SYT4: variants seen among roughly 807,000 people sequenced by gnomAD.
SYT4 encodes the protein synaptotagmin-4.
SYT4 carries 7 observed loss-of-function variants against 32.9 expected under a neutral mutation model. The ratio of observed to expected loss-of-function variants is 0.21; its 90% CI spans 0.12 to 0.40. SYT4 has a LOEUF of 0.40. Among genes scored for constraint, SYT4 ranks in the 10% least tolerant of loss-of-function variants. The probability of loss-of-function intolerance (pLI) is 1.00; values close to 1 mark genes in which losing one functional copy is unlikely to be tolerated. For missense variants in SYT4, 480 were observed against 488.0 expected, an observed-to-expected ratio of 0.98 and a Z score of 0.16; for synonymous variants, 205 against 186.2, an observed-to-expected ratio of 1.10 and a Z score of -0.82.
At position 43,277,376 on chromosome 18, in the gene SYT4, A is replaced by T. The variant is rs1317690306; in HGVS notation, c.-95T>A. 8 of 1,494,468 alleles carry T rather than the reference A, an allele frequency of 5.4e-6. No homozygotes were observed. The highest frequency in any genetic ancestry group is 7.5e-6 in the Non-Finnish European group (8 of 1,073,110). The allele number at this position is 1,494,468 out of a possible 1,614,324, so 92.6% of individuals were successfully genotyped here. A position where few individuals can be genotyped will look rare whatever the true frequency, so the allele number is the denominator to read the frequency against. On this transcript the variant is annotated 5_prime_UTR_variant, in exon 1 of 4. Transcript: ENST00000255224. ...CAAGCGCCGGCTTTCGGAGCGCTGA[A>T]AACAACAGCGCAGAGCCCAGGGCAC...
rs868753719 is a variant in SYT4, at chr18:43,267,954, C to G, written c.*2387G>C. The stretch of plus-strand genomic sequence containing the variant: ...ATGGTCTTACAAACATCATACAGAG[C>G]TGGCACAAAAGAACAGACACTGTCT... On this transcript the variant is annotated 3_prime_UTR_variant, in exon 4 of 4. Transcript: ENST00000255224. 1.3e-5 allele frequency: 2 copies of G among 152,192 alleles called. No individual in the cohort carries two copies. Among genetic ancestry groups the G allele is most frequent in the Non-Finnish European group, 2.9e-5 (2 of 68,044 alleles). The allele number at this position is 152,192 out of a possible 1,614,324, so 9.4% of individuals were successfully genotyped here.
intron 3 of SYT4, among the ~76,000 whole-genome samples, chr18:43,270,938 T>C (rs999132103): frequency 1.3e-5 from 2 of 152,050 alleles, no homozygotes. Context: ...GAATGTTCTA[T>C]GGACCCATTC....
At chr18:43,275,206 G>C (rs1011030276) in intron 1 of SYT4, among the ~76,000 whole-genome samples, 1 of 152,070 alleles carries the variant, frequency 6.6e-6, no homozygotes, top group African/African-American at 2.4e-5. Flanking sequence ...ATCTATAACT[G>C]TCTCTTCCTC....
intron 3 of SYT4, among the ~76,000 whole-genome samples, chr18:43,271,504 T>C (rs920599742): frequency 6.6e-5 from 10 of 152,168 alleles, no homozygotes; most frequent in Non-Finnish European, 1.2e-4. Context: ...AAACTGTAGC[T>C]TATTTTGTTT....
At position 43,277,371 on chromosome 18, in the gene SYT4, G is replaced by T; in HGVS notation, c.-90C>A. The T allele has an allele frequency of 6.5e-7, 1 of 1,538,046 alleles. No homozygotes were observed. The highest frequency in any genetic ancestry group is 9.0e-7 in the Non-Finnish European group (1 of 1,112,626). ...GATCTCAAGCGCCGGCTTTCGGAGC[G>T]CTGAAAACAACAGCGCAGAGCCCAG... is the stretch of plus-strand genomic sequence containing the variant. On this transcript the variant is annotated 5_prime_UTR_variant, in exon 1 of 4. Transcript: ENST00000255224.
At chr18:43,276,279 T>TTCTC (rs1407958274) in intron 1 of SYT4, among the ~76,000 whole-genome samples, 2 of 152,218 alleles carry the variant, frequency 1.3e-5, no homozygotes, top group African/African-American at 4.8e-5. Context: ...TCCCTATGTA[T>TTCTC]TCTCTACTGA....
chr18:43,271,613 A>G, intron 3 of SYT4, 99 bp downstream of exon 3: 1 of 1,477,082 alleles, frequency 6.8e-7, no homozygotes, highest in Non-Finnish European at 9.2e-7. Context: ...TACATAAGGT[A>G]TTAGAGAAAA....
Position 43,269,618 on chromosome 18 carries a change from G to A in SYT4, c.*723C>T, listed in dbSNP as rs1043969473. 3 of 152,558 alleles carry A rather than the reference G, an allele frequency of 2.0e-5. No individual in the cohort carries two copies. Among genetic ancestry groups the A allele is most frequent in the Admixed American group, 6.6e-5 (1 of 15,262 alleles). The allele number at this position is 152,558 out of a possible 1,614,324, so 9.5% of individuals were successfully genotyped here. On this transcript the variant is annotated 3_prime_UTR_variant, in exon 4 of 4. Coordinates refer to ENST00000255224, the MANE Select transcript of SYT4 (RefSeq NM_020783.4). ...CAGGCAGTGAATAATCCAAGGCCATGGTTCTTATGTGAGGTTATATTTTAC... is the reference window on the plus strand; with the variant it reads ...CAGGCAGTGAATAATCCAAGGCCATAGTTCTTATGTGAGGTTATATTTTAC...
rs1280880037 is a variant in SYT4, at chr18:43,270,205, A to G, written c.*136T>C. 2.2e-6 allele frequency: 2 copies of G among 896,562 alleles called. No homozygotes were observed. The highest frequency in any genetic ancestry group is 3.3e-5 in the African/African-American group (2 of 59,860). 55.5% of individuals were successfully genotyped at this position (896,562 alleles called of 1,614,324 possible). ...TTTGAAGTTACTTTCTGGTCTACTA[A>G]TTCAATCCATTTCTAGCAACAACAA... On this transcript the variant is annotated 3_prime_UTR_variant, in exon 4 of 4. Transcript: ENST00000255224.
At chr18:43,276,473 CT>C (rs57351324) in intron 1 of SYT4, among the ~76,000 whole-genome samples, 1 of 152,060 alleles carries the variant, frequency 6.6e-6, no homozygotes, top group African/African-American at 2.4e-5. Flanking sequence ...AAAAATAGTA[CT>C]TTTTTACTCT....
In SYT4 at chr18:43,269,864, A is replaced by G; in HGVS notation, c.*477T>C. 6.2e-6 allele frequency: 1 copy of G among 161,512 alleles called. No homozygotes were observed. Among genetic ancestry groups the G allele is most frequent in the Non-Finnish European group, 1.4e-5 (1 of 73,094 alleles). 10.0% of individuals were successfully genotyped at this position (161,512 alleles called of 1,614,324 possible). ...AGGACAACCATTTGCACATGACAGAATTAATAAATACAAACTGGAGGACAT... is the reference window on the plus strand; with the variant it reads ...AGGACAACCATTTGCACATGACAGAGTTAATAAATACAAACTGGAGGACAT... On this transcript the variant is annotated 3_prime_UTR_variant, in exon 4 of 4. Transcript: ENST00000255224.
chr18:43,271,642 G>T (rs1427619407), intron 3 of SYT4, 70 bp downstream of exon 3: 2 of 1,588,524 alleles, frequency 1.3e-6, no homozygotes. Flanking sequence ...AGTAAGAGTA[G>T]GTGGGCTCAT....
chr18:43,274,793 C>CT (rs1416211146), intron 1 of SYT4, among the ~76,000 whole-genome samples: 2 of 152,090 alleles, frequency 1.3e-5, no homozygotes, highest in Non-Finnish European at 2.9e-5. Context: ...CAGAGCATCA[C>CT]TTTTTACTGG....
intron 1 of SYT4, among the ~76,000 whole-genome samples, chr18:43,275,054 T>G (rs1908751646): frequency 6.6e-6 from 1 of 152,006 alleles, no homozygotes; most frequent in South Asian, 2.1e-4. Flanking sequence ...TGTATGACAA[T>G]CCCAAATTTC....
chr18:43,270,664 A>C lies in SYT4; in HGVS notation c.971-16T>G, dbSNP rs1229928586. The C allele has an allele frequency of 1.9e-6, 3 of 1,610,448 alleles. No homozygotes were observed. Among genetic ancestry groups the C allele is most frequent in the Non-Finnish European group, 2.5e-6 (3 of 1,177,410 alleles). On this transcript the variant is annotated splice_polypyrimidine_tract_variant and intron_variant, in intron 3 of 3. Coordinates refer to ENST00000255224, the MANE Select transcript of SYT4 (RefSeq NM_020783.4). ...ACATAGGGATCTGCAGTGGAACATAACAGGCATTACAATGGCATAACTGGG... is the reference window on the plus strand; with the variant it reads ...ACATAGGGATCTGCAGTGGAACATACCAGGCATTACAATGGCATAACTGGG...
In SYT4 at chr18:43,270,523, C is replaced by T; in HGVS notation, c.1096G>A (p.Gly366Ser). 7 of 1,614,034 alleles carry T rather than the reference C, an allele frequency of 4.3e-6. No homozygotes were observed. The highest frequency in any genetic ancestry group is 5.9e-6 in the Non-Finnish European group (7 of 1,179,984). ...AATTCAACACTTATATCTTCAAGGC[C>T]CTCACAAGGAATATCAAAGACAAAC... is the stretch of plus-strand genomic sequence containing the variant. ...ELFVFDIPCE[G>S]LEDISVEFLV... The change falls in exon 4 of 4, where the codon GGC (glycine) becomes AGC (serine). Residue 366 changes from glycine (G) to serine (S), a missense_variant. By Grantham distance (56) the Gly-to-Ser change is moderately conservative. Coordinates refer to ENST00000255224, the MANE Select transcript of SYT4 (RefSeq NM_020783.4).
In SYT4 at chr18:43,271,800, A is replaced by C. The variant is rs548367244; in HGVS notation, c.882T>G (p.Ser294=). The change falls in exon 3 of 4, where the codon TCT becomes TCG. Residue 294 remains serine, a synonymous_variant. Transcript: ENST00000255224. Reference sequence around the variant, plus strand: ...TGTTTGTGGTGGACTGATAGCAGAGAGAGATCAGTAACTCACCCCGTCCTG... The same window carrying C: ...TGTTTGTGGTGGACTGATAGCAGAGCGAGATCAGTAACTCACCCCGTCCTG... ...KSSGRGELLI[S]LCYQSTTNTL... 3 of 1,613,148 alleles carry C rather than the reference A, an allele frequency of 1.9e-6. No homozygotes were observed. The African/African-American group carries it at 4.0e-5, about 22-fold the overall frequency.
Position 43,277,255 on chromosome 18 carries a change from T to C in SYT4, c.27A>G (p.Glu9=), listed in dbSNP as rs1908822814. Residue 9 remains glutamate, a synonymous_variant, in exon 1 of 4, where the codon GAA becomes GAG. Coordinates refer to ENST00000255224, the MANE Select transcript of SYT4 (RefSeq NM_020783.4). ...GTTCAGTAACTTGCTTACCAAATTC[T>C]TCCCGGCTGGTGGTGATCGGAGCCA... MAPITTSR[E]EFDEIPTVVG... 1.2e-6 allele frequency: 2 copies of C among 1,613,938 alleles called. No individual in the cohort carries two copies. The highest frequency in any genetic ancestry group is 2.2e-5 in the South Asian group (2 of 91,078).
Position 43,270,297 on chromosome 18 carries a change from C to T in SYT4, c.*44G>A, listed in dbSNP as rs1298699259. ...AATATAGAAAGAAAGAAAATTTCTCCTTGCCTAGTAAAAACCTTTAAGTTC... is the reference window on the plus strand; with the variant it reads ...AATATAGAAAGAAAGAAAATTTCTCTTTGCCTAGTAAAAACCTTTAAGTTC... On this transcript the variant is annotated 3_prime_UTR_variant, in exon 4 of 4. Coordinates refer to ENST00000255224, the MANE Select transcript of SYT4 (RefSeq NM_020783.4). 1 of 1,574,958 alleles carries T rather than the reference C, an allele frequency of 6.3e-7. No homozygotes were observed. The highest frequency in any genetic ancestry group is 8.6e-7 in the Non-Finnish European group (1 of 1,160,404).
Sources: allele counts gnomAD v4.1 joint callset (sites outside exome capture counted in the v4.1 genomes callset), GRCh38; gene constraint gnomAD v4.1.1; transcripts MANE v1.5; gene names NCBI Gene and HGNC (gene_info 2026-07-23, HGNC 2026-07-21).